The following DMD variants were observed in gnomAD, a reference collection of about 807,000 sequenced individuals.
The protein encoded by DMD is dystrophin.
DMD carries 63 observed loss-of-function variants against 330.1 expected under a neutral mutation model. The ratio of observed to expected loss-of-function variants is 0.19; its 90% confidence interval spans 0.16 to 0.24. The LOEUF (loss-of-function observed/expected upper bound fraction) is 0.24, where lower values mean the gene tolerates loss of function less well. DMD is among the 10% of genes least tolerant of loss of function. The pLI, the probability that DMD is intolerant of heterozygous loss-of-function variation, is 1.00. For synonymous variants in DMD, 1,223 were observed against 959.8 expected (o/e 1.27, Z -5.07); for missense variants, 3,344 against 2,684.1 (o/e 1.25, Z -5.43).
chrX:31,648,307 T>C (rs1443529964), intron 54 of DMD, among the ~76,000 whole-genome samples: 1 of 110,196 alleles, frequency 9.1e-6, no homozygotes, highest in African/African-American at 3.3e-5. Flanking sequence ...AGAAGAAACA[T>C]CCAAACACAG....
intron 9 of DMD, among the ~76,000 whole-genome samples, chrX:32,685,013 A>C (rs1245380915): frequency 8.9e-6 from 1 of 111,932 alleles, no homozygotes; most frequent in Non-Finnish European, 1.9e-5. Context: ...AATTAACTAT[A>C]ATCATGCTCT....
intron 44 of DMD, among the ~76,000 whole-genome samples, chrX:32,120,498 T>C (rs2096630269): frequency 8.9e-6 from 1 of 111,958 alleles, no homozygotes; most frequent in Non-Finnish European, 1.9e-5. Flanking sequence ...ACTGATTCAG[T>C]AGGTTTGGGA....
intron 2 of DMD, among the ~76,000 whole-genome samples, chrX:32,884,610 T>C (rs1019255128): frequency 8.9e-6 from 1 of 112,011 alleles, no homozygotes; most frequent in Non-Finnish European, 1.9e-5. Context: ...ACCAGGACCA[T>C]GTGCTACAGT....
intron 7 of DMD, among the ~76,000 whole-genome samples, chrX:32,781,214 T>C (rs12010788): frequency 0.1 from 11,324 of 108,637 alleles, 1,508 homozygotes; most frequent in African/African-American, 0.36. Context: ...TCACCACCAA[T>C]AACAGGACTG....
intron 2 of DMD, among the ~76,000 whole-genome samples, chrX:33,010,166 G>A (rs1332156089): frequency 9.6e-6 from 1 of 104,207 alleles, no homozygotes; most frequent in Non-Finnish European, 2.0e-5. Context: ...GTGTGTATAT[G>A]TATATATGCA....
chrX:33,076,629 G>A (rs755140817), intron 1 of DMD, among the ~76,000 whole-genome samples: 3 of 111,777 alleles, frequency 2.7e-5, no homozygotes, highest in Admixed American at 1.9e-4. Flanking sequence ...AAAATGTAAC[G>A]TTTATATAGC....
chrX:32,457,362 G>A (rs1040162959), intron 25 of DMD, among the ~76,000 whole-genome samples: 2 of 111,011 alleles, frequency 1.8e-5, no homozygotes, highest in African/African-American at 6.5e-5. Context: ...AGGGAAACGG[G>A]AATGGAGAGG....
intron 47 of DMD, among the ~76,000 whole-genome samples, chrX:31,899,904 A>G (rs748747204): frequency 9.0e-6 from 1 of 111,252 alleles, no homozygotes; most frequent in African/African-American, 3.3e-5. Context: ...GCCCACACAA[A>G]CTGCAATGCC....
chrX:32,183,451 C>A (rs1001613000), intron 44 of DMD, among the ~76,000 whole-genome samples: 1 of 108,863 alleles, frequency 9.2e-6, no homozygotes. Context: ...CAAACAATTA[C>A]CATAAAGCTA....
intron 1 of DMD, among the ~76,000 whole-genome samples, chrX:33,330,063 A>G (rs944341493): frequency 3.6e-5 from 4 of 111,357 alleles, no homozygotes; most frequent in Non-Finnish European, 5.7e-5. Flanking sequence ...ATATATAGAT[A>G]AATATATACA....
intron 2 of DMD, among the ~76,000 whole-genome samples, chrX:32,881,997 C>T (rs948713134): frequency 3.6e-5 from 4 of 112,263 alleles, no homozygotes; most frequent in Non-Finnish European, 5.6e-5. Flanking sequence ...GTTCCCTAGA[C>T]GTGCTTCTTC....
intron 9 of DMD, among the ~76,000 whole-genome samples, chrX:32,663,415 AAT>A (rs2061078428): frequency 8.9e-6 from 1 of 112,041 alleles, no homozygotes; most frequent in Non-Finnish European, 1.9e-5. Context: ...AAAAACTTCA[AAT>A]AGATAATTTT....
At chrX:32,851,756 C>A (rs5971666) in intron 2 of DMD, among the ~76,000 whole-genome samples, 18,387 of 111,433 alleles carry the variant, frequency 0.17, 1,423 homozygotes, top group African/African-American at 0.3. Flanking sequence ...GGAGGGAGGG[C>A]GCAGGATTGT....
rs746208151 is a variant in DMD at position 32,801,032 on chromosome X, G to A, written c.649+8461C>T. Among the ~76,000 whole-genome samples, 3 of 110,933 alleles carry A rather than the reference G, an allele frequency of 2.7e-5. No homozygotes were observed. The South Asian group carries it at 1.1e-3, about 42-fold the overall frequency. ...GCACAGAATAATTTATAATCCTTTG[G>A]GTATATACCCAGTGATGGGATTGCT... is the stretch of plus-strand genomic sequence containing the variant. On this transcript the variant is annotated intron_variant, in intron 7 of 78. Coordinates refer to ENST00000357033, the MANE Select transcript of DMD (RefSeq NM_004006.3).
intron 16 of DMD, among the ~76,000 whole-genome samples, chrX:32,562,712 T>C (rs911793416): frequency 8.9e-6 from 1 of 112,499 alleles, no homozygotes; most frequent in Admixed American, 9.4e-5. Flanking sequence ...ATTCTCCTTA[T>C]GTAATTTTAA....
chrX:32,861,008 A>G (rs778044190), intron 2 of DMD, among the ~76,000 whole-genome samples: 65 of 112,154 alleles, frequency 5.8e-4, no homozygotes, highest in Non-Finnish European at 5.4e-4. Context: ...GTATGATGCC[A>G]TGAATAAGAA....
intron 7 of DMD, among the ~76,000 whole-genome samples, chrX:32,714,092 T>C (rs143823755): frequency 0.012 from 1,318 of 111,837 alleles, 27 homozygotes; most frequent in African/African-American, 0.041. Context: ...GAACGCACAC[T>C]GCTTTCACAC....
At chrX:32,471,555 A>C (rs773870351) in intron 22 of DMD, among the ~76,000 whole-genome samples, 40 of 112,361 alleles carry the variant, frequency 3.6e-4, no homozygotes, top group Non-Finnish European at 3.4e-4. Flanking sequence ...CTAAACATGT[A>C]AGACTTTTTC....
At chrX:31,776,714 G>A (rs1325705326) in intron 50 of DMD, among the ~76,000 whole-genome samples, 3 of 110,733 alleles carry the variant, frequency 2.7e-5, no homozygotes, top group Admixed American at 1.9e-4. Flanking sequence ...GGGAAGGAAG[G>A]AGGAAGGAAT....
Sources: allele counts gnomAD v4.1 joint callset (sites outside exome capture counted in the v4.1 genomes callset), GRCh38; gene constraint gnomAD v4.1.1; transcripts MANE v1.5; gene names NCBI Gene and HGNC (gene_info 2026-07-23, HGNC 2026-07-21).